Variants in DNAH6 observed in about 807,000 individuals in gnomAD.
The protein encoded by DNAH6 is dynein axonemal heavy chain 6, also known as axonemal beta dynein heavy chain 6.
A neutral mutation model predicts 491.4 loss-of-function variants in DNAH6; 340 were observed. That is an observed-to-expected ratio of 0.69 (90% CI 0.63 to 0.76). The LOEUF is 0.76. DNAH6 is among the 30% of genes least tolerant of loss of function. The probability of loss-of-function intolerance (pLI) is 0.00; values close to 1 mark genes in which losing one functional copy is unlikely to be tolerated. For synonymous variants in DNAH6, 1,603 were observed against 1,686.1 expected (o/e 0.95, Z 1.21); for missense variants, 4,443 against 4,972.2 (o/e 0.89, Z 3.20).
chr2:84,523,080 G>A (rs1676299158), intron 2 of DNAH6, among the ~76,000 whole-genome samples: 1 of 151,922 alleles, frequency 6.6e-6, no homozygotes, highest in African/African-American at 2.4e-5. Context: ...GAATTTGGCT[G>A]TGAATCCATC....
At chr2:84,812,687 T>C (rs1680104946) in intron 73 of DNAH6, among the ~76,000 whole-genome samples, 161 bp downstream of exon 73, 2 of 152,244 alleles carry the variant, frequency 1.3e-5, no homozygotes, top group African/African-American at 4.8e-5. Flanking sequence ...AGTCTTATAC[T>C]GATTATAATA....
At chr2:84,652,683 A>G (rs1004619877) in intron 33 of DNAH6, among the ~76,000 whole-genome samples, 3 of 152,000 alleles carry the variant, frequency 2.0e-5, no homozygotes, top group African/African-American at 7.2e-5. Flanking sequence ...ACTTTATGTA[A>G]GGTTTTAACT....
At chr2:84,672,519 A>C (rs1016599804) in intron 40 of DNAH6, 35 bp downstream of exon 40, 59 of 1,518,912 alleles carry the variant, frequency 3.9e-5, no homozygotes, top group Non-Finnish European at 5.2e-5. Flanking sequence ...GGTGTGCTTA[A>C]ATTTAAATGA....
At chr2:84,631,172 A>G (rs1170703660) in intron 29 of DNAH6, among the ~76,000 whole-genome samples, 1 of 152,164 alleles carries the variant, frequency 6.6e-6, no homozygotes, top group African/African-American at 2.4e-5. Flanking sequence ...ACCACCAACT[A>G]CAGACCAGGT....
chr2:84,732,312 T>C (rs1484147794), intron 61 of DNAH6, among the ~76,000 whole-genome samples: 5 of 152,308 alleles, frequency 3.3e-5, no homozygotes, highest in African/African-American at 1.2e-4. Flanking sequence ...GTTAAACGTA[T>C]GTCTGCACAA....
At chr2:84,673,590 C>T (rs79176145) in intron 40 of DNAH6, among the ~76,000 whole-genome samples, 2 of 152,146 alleles carry the variant, frequency 1.3e-5, no homozygotes, top group Non-Finnish European at 2.9e-5. Context: ...ATGATCCCGA[C>T]GTCCCACAAT....
intron 50 of DNAH6, 125 bp from the exon 51 acceptor site, chr2:84,703,942 T>C: frequency 1.4e-6 from 1 of 708,686 alleles, no homozygotes. Context: ...AAATGCAATC[T>C]AGCTAATTCC....
chr2:84,762,845 G>C lies in DNAH6; in HGVS notation c.10603G>C (p.Asp3535His), dbSNP rs753267788. 1 of 1,551,216 alleles carries C rather than the reference G, an allele frequency of 6.4e-7. No individual in the cohort carries two copies. ...PPVDLPTLYQ[D>H]MSCNTPLVFI... ...TGTGGACCTGCCTACCCTGTATCAA[G>C]ACATGTCATGCAACACTCCCCTGGT... Residue 3535 changes from aspartate to histidine, a missense_variant, in exon 64 of 77, where the codon GAC becomes CAC. Around this residue, in one of 3 missense-constraint regions of DNAH6, gnomAD observed 1,463 missense variants for 1,656.6 expected, o/e 0.88. Transcript: ENST00000389394.
At chr2:84,663,236 G>A (rs1334980353) in intron 37 of DNAH6, among the ~76,000 whole-genome samples, 1 of 152,194 alleles carries the variant, frequency 6.6e-6, no homozygotes, top group African/African-American at 2.4e-5. Flanking sequence ...TCTGGATGGA[G>A]AATGACTTTG....
At position 84,544,356 on chromosome 2, in the gene DNAH6, G is replaced by A. The variant is rs1037863; in HGVS notation, c.786G>A (p.Leu262=). ...TTGATCGATGGGAACAGGAATATCT[G>A]TATCACAGAGAACTCACTAAGATTC... The part of the protein sequence containing the change: ...IEIDRWEQEY[L]YHRELTKIPI... The change falls in exon 5 of 77, where the codon CTG becomes CTA. Residue 262 remains leucine, a synonymous_variant. Transcript: ENST00000389394. 0.94 allele frequency: 1,458,338 copies of A among 1,544,810 alleles called. 689,075 individuals are homozygous for A. Among genetic ancestry groups the A allele is most frequent in the East Asian group, 1 (40,723 of 40,770 alleles).
the DNAH6 span, among the ~76,000 whole-genome samples, chr2:84,472,310 G>T: frequency 6.6e-6 from 1 of 151,672 alleles, no homozygotes; most frequent in Non-Finnish European, 1.5e-5. Context: ...ATATTCCGTT[G>T]TTGAAAGAAG....
chr2:84,715,705 A>C, intron 58 of DNAH6, 78 bp downstream of exon 58: 1 of 1,382,350 alleles, frequency 7.2e-7, no homozygotes, highest in South Asian at 1.3e-5. Context: ...ATATTGACAA[A>C]GACAATGTTC....
intron 45 of DNAH6, among the ~76,000 whole-genome samples, chr2:84,693,848 T>C (rs578119597): frequency 1.2e-4 from 19 of 152,282 alleles, no homozygotes; most frequent in Non-Finnish European, 2.6e-4. Context: ...TTCTGCACTG[T>C]GGTGTCTTTT....
rs1027292178 is a variant in DNAH6 at position 84,816,066 on chromosome 2, G to A, written c.12356G>A (p.Gly4119Glu). 6.4e-7 allele frequency: 1 copy of A among 1,551,212 alleles called. No homozygotes were observed. The highest frequency in any genetic ancestry group is 8.7e-7 in the Non-Finnish European group (1 of 1,146,666). Residue 4119 changes from glycine (G) to glutamate (E), a missense_variant, in exon 76 of 77, where the codon GGA (glycine) becomes GAA (glutamate). Gly to Glu is a moderately conservative substitution (Grantham distance 98). This residue lies in a region of DNAH6 where 1,463 missense variants were observed against 1,656.6 expected (regional missense o/e 0.88). Transcript: ENST00000389394. ...CTTTATAAAACAGGAGCCCGGGCAG[G>A]AACACTCTCAACCACAGGTGAGGAT... ...CPLYKTGARA[G>E]TLSTTGHSTN...
At position 84,621,363 on chromosome 2, in the gene DNAH6, A is replaced by G. The variant is rs1220093780; in HGVS notation, c.3957+8A>G. On this transcript the variant is annotated splice_region_variant and intron_variant, in intron 25 of 76. Coordinates refer to ENST00000389394, the MANE Select transcript of DNAH6 (RefSeq NM_001370.2). The stretch of plus-strand genomic sequence containing the variant: ...GCTGGCCACCCTTCTCAAGTAACTC[A>G]CACTCACATTTCATATCCCTGAATT... 1 of 1,550,986 alleles carries G rather than the reference A, an allele frequency of 6.4e-7. No homozygotes were observed. Among genetic ancestry groups the G allele is most frequent in the Non-Finnish European group, 8.7e-7 (1 of 1,146,514 alleles).
chr2:84,560,506 T>C (rs937801729), intron 11 of DNAH6, among the ~76,000 whole-genome samples: 29 of 151,704 alleles, frequency 1.9e-4, no homozygotes, highest in Non-Finnish European at 3.5e-4. Flanking sequence ...ATGTGCACAA[T>C]GTGCAGGTTA....
chr2:84,652,669 C>A (rs1394453535), intron 33 of DNAH6, among the ~76,000 whole-genome samples: 2 of 151,990 alleles, frequency 1.3e-5, no homozygotes, highest in Non-Finnish European at 1.5e-5. Context: ...CTAGTACTTT[C>A]ATCACTTTAT....
At chr2:84,692,964 G>T (rs1317932208) in intron 45 of DNAH6, among the ~76,000 whole-genome samples, 1 of 152,144 alleles carries the variant, frequency 6.6e-6, no homozygotes, top group Non-Finnish European at 1.5e-5. Context: ...TTAAAACATA[G>T]ATTTCTACTA....
At chr2:84,758,559 A>G (rs971109022) in intron 63 of DNAH6, among the ~76,000 whole-genome samples, 1 of 152,204 alleles carries the variant, frequency 6.6e-6, no homozygotes, top group Non-Finnish European at 1.5e-5. Flanking sequence ...TGGTACATCA[A>G]AAAGATAATA....
Sources: gnomAD v4.1 joint callset for allele counts (sites outside exome capture counted in the v4.1 genomes callset) on GRCh38, gnomAD v4.1.1 for gene constraint, gnomAD v4.1.1 regional missense constraint, MANE v1.5 for transcripts, NCBI Gene and HGNC (gene_info 2026-07-23, HGNC 2026-07-21) for gene names.